Variants in NPTX2 observed in about 807,000 individuals in gnomAD.
NPTX2 encodes the protein neuronal pentraxin-2.
Under a neutral mutation model 38.1 loss-of-function variants are expected in NPTX2, and 23 were observed. The observed-to-expected ratio is 0.60, with a 90% CI of 0.43 to 0.85. The LOEUF is 0.85. Ranked by LOEUF, NPTX2 falls within the 40% of genes least tolerant of loss-of-function variation. NPTX2 has a pLI of 0.00. For missense variants in NPTX2, 553 were observed against 615.3 expected, an observed-to-expected ratio of 0.90 and a Z score of 1.07; for synonymous variants, 291 against 287.3, an observed-to-expected ratio of 1.01 and a Z score of -0.13.
At position 98,626,659 on chromosome 7, in the gene NPTX2, G is replaced by A. The variant is rs574724331; in HGVS notation, c.889-506G>A. On this transcript the variant is annotated intron_variant, in intron 3 of 4. Coordinates refer to ENST00000265634, the MANE Select transcript of NPTX2 (RefSeq NM_002523.3). ...GTGCTTGCAGGACCGCCAGGGACCCGGCCAGTGGCAGCGTCCTCCCCCCAG... is the reference window on the plus strand; with the variant it reads ...GTGCTTGCAGGACCGCCAGGGACCCAGCCAGTGGCAGCGTCCTCCCCCCAG... 2.1e-3 allele frequency among the ~76,000 whole-genome samples: 313 copies of A among 152,284 alleles called. 14 individuals carry two copies. The South Asian group carries it at 0.063, about 31-fold the overall frequency.
chr7:98,627,286 ACCTGGCCC>A lies in NPTX2; in HGVS notation c.1017_1024del (p.Trp341HisfsTer19). 1 of 1,613,874 alleles carries A rather than the reference ACCTGGCCC, an allele frequency of 6.2e-7. No individual in the cohort carries two copies. The highest frequency in any genetic ancestry group is 2.2e-5 in the East Asian group (1 of 44,852). On this transcript the variant is annotated frameshift_variant, in exon 4 of 5. Transcript: ENST00000265634. LOFTEE classifies it high-confidence loss of function. ...GGAGAGAAGCTGGGCACTGGGGAGA[ACCTGGCCC>A]CCTGGCACCCCATCAAGCCCGGGGG...
At chr7:98,624,789 C>T (rs995272354) in intron 2 of NPTX2, 133 bp from the exon 3 acceptor site, 12 of 1,109,548 alleles carry the variant, frequency 1.1e-5, no homozygotes, top group East Asian at 9.6e-5. Flanking sequence ...GGTCTTTGGT[C>T]GCTTGCTGGA....
At position 98,629,009 on chromosome 7, in the gene NPTX2, G is replaced by A. The variant is rs1791399024; in HGVS notation, c.*380G>A. The stretch of plus-strand genomic sequence containing the variant: ...CCTTGGTGTCCCGTGCACCCCTTCT[G>A]TCTGTCCCCTTTCATGGCTGTGCAG... On this transcript the variant is annotated 3_prime_UTR_variant, in exon 5 of 5. Coordinates refer to ENST00000265634, the MANE Select transcript of NPTX2 (RefSeq NM_002523.3). The A allele has an allele frequency of 5.5e-6, 1 of 182,996 alleles. No homozygotes were observed. The highest frequency in any genetic ancestry group is 1.1e-5 in the Non-Finnish European group (1 of 88,026). 11.3% of individuals were successfully genotyped at this position (182,996 alleles called of 1,614,324 possible).
chr7:98,627,395 C>T (rs763605189), intron 4 of NPTX2, 51 bp downstream of exon 4: 3 of 1,529,062 alleles, frequency 2.0e-6, no homozygotes, highest in East Asian at 2.3e-5. Flanking sequence ...AGGATGGGCA[C>T]AGGGTGGCCG....
chr7:98,624,580 C>T lies in NPTX2; in HGVS notation c.644-342C>T, dbSNP rs551938310. Among the ~76,000 whole-genome samples, 3 of 152,266 alleles carry T rather than the reference C, an allele frequency of 2.0e-5. No individual in the cohort carries two copies. The East Asian group carries it at 5.8e-4, about 29-fold the overall frequency. On this transcript the variant is annotated intron_variant, in intron 2 of 4. Coordinates refer to ENST00000265634, the MANE Select transcript of NPTX2 (RefSeq NM_002523.3). ...TTCTCTTCTGCAGGTCTTTCCAGGC[C>T]TTCCCTGCATCCTCTGCCTTCCCTC... is the stretch of plus-strand genomic sequence containing the variant.
rs1019032505 is a variant in NPTX2, at chr7:98,629,606, A to G, written c.*977A>G. ...TCCCTACAGAACTCCTCAAGAAAAC[A>G]GAGATCATTTGGCTAGAGATTGTCT... On this transcript the variant is annotated 3_prime_UTR_variant, in exon 5 of 5. Transcript: ENST00000265634. 1 of 152,596 alleles carries G rather than the reference A, an allele frequency of 6.6e-6. No homozygotes were observed. The highest frequency in any genetic ancestry group is 1.5e-5 in the Non-Finnish European group (1 of 68,032). 9.5% of individuals were successfully genotyped at this position (152,596 alleles called of 1,614,324 possible). A position where few individuals can be genotyped will look rare whatever the true frequency, so the allele number is the denominator to read the frequency against.
chr7:98,624,422 G>A (rs1312117134), intron 2 of NPTX2, among the ~76,000 whole-genome samples: 2 of 152,118 alleles, frequency 1.3e-5, no homozygotes, highest in East Asian at 3.9e-4. Context: ...GATTTCAAGA[G>A]GCCTCTTTTC....
rs1441611266 is a variant in NPTX2 at position 98,625,204 on chromosome 7, A to G, written c.888+38A>G. The G allele has an allele frequency of 3.9e-6, 6 of 1,549,162 alleles. No homozygotes were observed. The African/African-American group carries it at 4.1e-5, about 10-fold the overall frequency. On this transcript the variant is annotated intron_variant, in intron 3 of 4. Transcript: ENST00000265634. The stretch of plus-strand genomic sequence containing the variant: ...TGCACCGCCACCCTCCCCAGAACCC[A>G]TCATGTGGTGGAGGGAGCCACAGCC...
chr7:98,629,835 A>C lies in NPTX2; in HGVS notation c.*1206A>C, dbSNP rs1277541290. On this transcript the variant is annotated 3_prime_UTR_variant, in exon 5 of 5. Transcript: ENST00000265634. The stretch of plus-strand genomic sequence containing the variant: ...ATTGTATGCTACGAGAACTCTTCTG[A>C]TGATGGAATTTCGATTAAAGTGCAC... The C allele has an allele frequency of 6.6e-6, 1 of 152,334 alleles. No individual in the cohort carries two copies. The highest frequency in any genetic ancestry group is 1.5e-5 in the Non-Finnish European group (1 of 68,052). The allele number at this position is 152,334 out of a possible 1,614,324, so 9.4% of individuals were successfully genotyped here. A position where few individuals can be genotyped will look rare whatever the true frequency, so the allele number is the denominator to read the frequency against.
Position 98,628,735 on chromosome 7 carries a change from C to T in NPTX2, c.*106C>T, listed in dbSNP as rs1791394836. 1 of 582,952 alleles carries T rather than the reference C, an allele frequency of 1.7e-6. No individual in the cohort carries two copies. Among genetic ancestry groups the T allele is most frequent in the Non-Finnish European group, 3.1e-6 (1 of 327,286 alleles). 36.1% of individuals were successfully genotyped at this position (582,952 alleles called of 1,614,324 possible). A position where few individuals can be genotyped will look rare whatever the true frequency, so the allele number is the denominator to read the frequency against. On this transcript the variant is annotated 3_prime_UTR_variant, in exon 5 of 5. Coordinates refer to ENST00000265634, the MANE Select transcript of NPTX2 (RefSeq NM_002523.3). Reference sequence around the variant, plus strand: ...CTTGTCAGTCTGGGCTCAGGGTTCCCAGAGCTCATTCCCCAGGAATCTCTA... The same window carrying T: ...CTTGTCAGTCTGGGCTCAGGGTTCCTAGAGCTCATTCCCCAGGAATCTCTA...
chr7:98,622,642 G>A (rs967763354), intron 2 of NPTX2, among the ~76,000 whole-genome samples: 2 of 152,228 alleles, frequency 1.3e-5, no homozygotes, highest in African/African-American at 4.8e-5. Context: ...GGGGAGTAGG[G>A]ACACTCTGGT....
In NPTX2 at chr7:98,628,618, C is replaced by T; in HGVS notation, c.1285C>T (p.Leu429Phe). Reference sequence around the variant, plus strand: ...CGTGGAGACGTGTGAGGAGCGTCTCCTTGACTTGTAGCCGCCTTCTCCTCT... The same window carrying T: ...CGTGGAGACGTGTGAGGAGCGTCTCTTTGACTTGTAGCCGCCTTCTCCTCT... ...WPVETCEERLLDL is the reference protein window; with the variant it reads ...WPVETCEERLFDL Residue 429 changes from leucine to phenylalanine, a missense_variant, in exon 5 of 5, where the codon CTT (leucine) becomes TTT (phenylalanine). Coordinates refer to ENST00000265634, the MANE Select transcript of NPTX2 (RefSeq NM_002523.3). 3.9e-6 allele frequency: 6 copies of T among 1,534,754 alleles called. No individual in the cohort carries two copies. The highest frequency in any genetic ancestry group is 3.4e-4 in the Middle Eastern group (2 of 5,834).
chr7:98,625,806 CA>C (rs1489532822), intron 3 of NPTX2, among the ~76,000 whole-genome samples: 1 of 151,930 alleles, frequency 6.6e-6, no homozygotes, highest in Non-Finnish European at 1.5e-5. Flanking sequence ...TTTTCCAGAG[CA>C]AATGCCCCTT....
chr7:98,618,569 TCCCCCC>T (rs145792464), intron 1 of NPTX2, among the ~76,000 whole-genome samples: 1 of 30,092 alleles, frequency 3.3e-5, no homozygotes, highest in South Asian at 1.2e-3. Flanking sequence ...TCTCTCTCTC[TCCCCCC>T]CTCCCCCCCT....
In NPTX2 at chr7:98,629,590, A is replaced by G. The variant is rs750661201; in HGVS notation, c.*961A>G. The G allele has an allele frequency of 1.3e-5, 2 of 152,562 alleles. No homozygotes were observed. Among genetic ancestry groups the G allele is most frequent in the Admixed American group, 6.5e-5 (1 of 15,282 alleles). The allele number at this position is 152,562 out of a possible 1,614,324, so 9.5% of individuals were successfully genotyped here. ...GTCTTCATCAAGTATTTCCCTACAG[A>G]ACTCCTCAAGAAAACAGAGATCATT... On this transcript the variant is annotated 3_prime_UTR_variant, in exon 5 of 5. Coordinates refer to ENST00000265634, the MANE Select transcript of NPTX2 (RefSeq NM_002523.3).
chr7:98,626,724 C>T (rs1261921231), intron 3 of NPTX2, among the ~76,000 whole-genome samples: 2 of 151,884 alleles, frequency 1.3e-5, no homozygotes, highest in African/African-American at 4.9e-5. Context: ...CACACAGATA[C>T]TCACACACGT....
chr7:98,617,940 G>A, intron 1 of NPTX2, 53 bp downstream of exon 1: 2 of 1,508,520 alleles, frequency 1.3e-6, no homozygotes, highest in Middle Eastern at 2.2e-4. Context: ...CTCCCGAGTC[G>A]GGGGCGGAAG....
Position 98,617,870 on chromosome 7 carries a change from C to A in NPTX2, c.409C>A (p.Arg137Ser). 6.4e-7 allele frequency: 1 copy of A among 1,556,476 alleles called. No individual in the cohort carries two copies. Among genetic ancestry groups the A allele is most frequent in the South Asian group, 1.2e-5 (1 of 85,824 alleles). Residue 137 changes from arginine to serine, a missense_variant, in exon 1 of 5, where the codon CGC becomes AGC. Transcript: ENST00000265634. ...CCGCTCGCTGCAGACCCTCAAGGAC[C>A]GCCTGGAGAGCCTCGAGGTAGCGGC... Reference protein sequence around the residue: ...LSRSLQTLKDRLESLEHQLRA... With the variant: ...LSRSLQTLKDSLESLEHQLRA...
intron 3 of NPTX2, 32 bp from the exon 4 acceptor site, chr7:98,627,133 G>C (rs1791363628): frequency 6.4e-7 from 1 of 1,561,460 alleles, no homozygotes. Flanking sequence ...CGTGGGCCCA[G>C]CAGGTCCTTA....
Sources: gnomAD v4.1 joint callset for allele counts (sites outside exome capture counted in the v4.1 genomes callset) on GRCh38, gnomAD v4.1.1 for gene constraint, MANE v1.5 for transcripts, NCBI Gene and HGNC (gene_info 2026-07-23, HGNC 2026-07-21) for gene names.